FGFR3: variants seen among roughly 807,000 people sequenced by gnomAD.
FGFR3 encodes the protein FGFR-3.
In FGFR3, 25 loss-of-function variants were observed where a neutral mutation model predicts 82.9. The observed-to-expected ratio is 0.30, with a 90% CI of 0.22 to 0.42. FGFR3 has a LOEUF of 0.42. Among genes scored for constraint, FGFR3 ranks in the 10% least tolerant of loss-of-function variants. FGFR3 has a pLI of 1.00. For synonymous variants in FGFR3, 620 were observed against 516.0 expected, an observed-to-expected ratio of 1.20 and a Z score of -2.73; for missense variants, 1,026 against 1,161.0, an observed-to-expected ratio of 0.88 and a Z score of 1.69.
intron 7 of FGFR3, chr4:1,803,098 A>G: frequency 2.6e-6 from 4 of 1,521,980 alleles, no homozygotes; most frequent in Non-Finnish European, 3.5e-6. Flanking sequence ...CCGGCACAAG[A>G]GCTCCAGCTC....
chr4:1,801,612 C>T lies in FGFR3; in HGVS notation c.616-8C>T, dbSNP rs372304346. 72 of 1,606,548 alleles carry T rather than the reference C, an allele frequency of 4.5e-5. No individual in the cohort carries two copies. In the African/African-American group the frequency reaches 7.9e-4, roughly 18 times the overall value. ...TCCGCTCACTCACCCGCCCGCGTCC[C>T]GGTGCAGCTGCGGCATCAGCAGTGG... On this transcript the variant is annotated splice_region_variant and splice_polypyrimidine_tract_variant and intron_variant, in intron 5 of 17. Coordinates refer to ENST00000440486, the MANE Select transcript of FGFR3 (RefSeq NM_000142.5).
intron 2 of FGFR3, among the ~76,000 whole-genome samples, chr4:1,798,612 C>T (rs1720813188): frequency 6.6e-6 from 1 of 151,750 alleles, no homozygotes; most frequent in African/African-American, 2.4e-5. Flanking sequence ...CCCAGACCGT[C>T]CACACGGCCA....
At chr4:1,802,910 G>A (rs558829758) in intron 7 of FGFR3, 25 of 1,587,380 alleles carry the variant, frequency 1.6e-5, no homozygotes, top group Admixed American at 5.3e-5. Flanking sequence ...TCTTGTCCCC[G>A]CAGTCCTGGA....
In FGFR3 at chr4:1,807,302, G is replaced by A; in HGVS notation, c.*40G>A. The A allele has an allele frequency of 1.9e-6, 3 of 1,561,840 alleles. No homozygotes were observed. The highest frequency in any genetic ancestry group is 2.6e-6 in the Non-Finnish European group (3 of 1,158,360). On this transcript the variant is annotated 3_prime_UTR_variant, in exon 18 of 18. Transcript: ENST00000440486. ...CCAACAATGTGAGGGGTCCCTAGCA[G>A]CCCACCCTGCTGCTGGTGCACAGCC...
intron 1 of FGFR3, among the ~76,000 whole-genome samples, 169 bp from the exon 2 acceptor site, chr4:1,793,664 G>A (rs1359824527): frequency 6.7e-6 from 1 of 149,564 alleles, no homozygotes; most frequent in African/African-American, 2.4e-5. Context: ...GGAGGAGGGA[G>A]GGACCGCGGC....
At chr4:1,794,821 C>T (rs979668998) in intron 2 of FGFR3, among the ~76,000 whole-genome samples, 2 of 151,720 alleles carry the variant, frequency 1.3e-5, no homozygotes, top group African/African-American at 2.4e-5. Flanking sequence ...CAGCCGGCTC[C>T]GGACGGGCGA....
At chr4:1,800,135 A>AC (rs1268542787) in intron 4 of FGFR3, among the ~76,000 whole-genome samples, 9 of 151,676 alleles carry the variant, frequency 5.9e-5, no homozygotes, top group Non-Finnish European at 1.3e-4. Flanking sequence ...GGTGAGGTGG[A>AC]CCCCGCAGAC....
intron 10 of FGFR3, 106 bp from the exon 11 acceptor site, chr4:1,805,249 G>A (rs1721738262): frequency 1.3e-6 from 2 of 1,571,478 alleles, no homozygotes; most frequent in Non-Finnish European, 1.7e-6. Context: ...CTTCCTGGAG[G>A]TGGTGGCTCT....
At chr4:1,797,214 C>G (rs1259795945) in intron 2 of FGFR3, among the ~76,000 whole-genome samples, 1 of 152,124 alleles carries the variant, frequency 6.6e-6, no homozygotes, top group Middle Eastern at 3.2e-3. Flanking sequence ...CTCCCCATGC[C>G]TGGCAGCTGG....
chr4:1,799,137 C>A, intron 2 of FGFR3, 117 bp from the exon 3 acceptor site: 1 of 1,422,996 alleles, frequency 7.0e-7, no homozygotes, highest in Non-Finnish European at 9.9e-7. Flanking sequence ...TCTGGTGGGA[C>A]CCTGGATCTG....
intron 2 of FGFR3, among the ~76,000 whole-genome samples, chr4:1,796,444 C>T (rs1162949008): frequency 6.6e-6 from 1 of 152,128 alleles, no homozygotes; most frequent in East Asian, 1.9e-4. Flanking sequence ...GCAATACCTC[C>T]TGTACCCCAG....
chr4:1,797,089 G>A (rs1720602630), intron 2 of FGFR3, among the ~76,000 whole-genome samples: 1 of 152,194 alleles, frequency 6.6e-6, no homozygotes, highest in Admixed American at 6.5e-5. Context: ...GGGTACAGCA[G>A]GAGTTTTGTC....
rs369342011 is a variant in FGFR3, at chr4:1,794,192, G to T, written c.109+149G>T. 7.9e-5 allele frequency: 34 copies of T among 429,478 alleles called. No individual in the cohort carries two copies. The South Asian group carries it at 2.4e-3, about 30-fold the overall frequency. 26.6% of individuals were successfully genotyped at this position (429,478 alleles called of 1,614,324 possible). ...GATTCCGCTGCCTCCTTGCCGGAGAGCGCGGCCAGAGCTAGCGCGGCGACT... is the reference window on the plus strand; with the variant it reads ...GATTCCGCTGCCTCCTTGCCGGAGATCGCGGCCAGAGCTAGCGCGGCGACT... On this transcript the variant is annotated intron_variant, in intron 2 of 17. Transcript: ENST00000440486.
intron 15 of FGFR3, 63 bp from the exon 16 acceptor site, chr4:1,806,483 G>C (rs2108810682): frequency 6.2e-7 from 1 of 1,612,194 alleles, no homozygotes; most frequent in Non-Finnish European, 8.5e-7. Context: ...CTATTCCCCT[G>C]GTGCCCGCCC....
Position 1,801,545 on chromosome 4 carries a change from G to A in FGFR3, c.615+9G>A, listed in dbSNP as rs570332422. 3.1e-5 allele frequency: 49 copies of A among 1,576,718 alleles called. 1 individual carries two copies. The East Asian group carries it at 6.5e-4, about 21-fold the overall frequency. On this transcript the variant is annotated intron_variant, in intron 5 of 17. Transcript: ENST00000440486. ...GCATTGGAGGCATCAAGGTGGGCGCGGCGGGGTGGCTCTGGGCCTGGCAGG... is the reference window on the plus strand; with the variant it reads ...GCATTGGAGGCATCAAGGTGGGCGCAGCGGGGTGGCTCTGGGCCTGGCAGG...
Position 1,807,766 on chromosome 4 carries a change from C to T in FGFR3, c.*504C>T, listed in dbSNP as rs1186855613. On this transcript the variant is annotated 3_prime_UTR_variant, in exon 18 of 18. Coordinates refer to ENST00000440486, the MANE Select transcript of FGFR3 (RefSeq NM_000142.5). ...ACCGCCTCCCCACCTCCAGGCTTTCCCACTTCCCACCCTGCCCCTCAGAGA... is the reference window on the plus strand; with the variant it reads ...ACCGCCTCCCCACCTCCAGGCTTTCTCACTTCCCACCCTGCCCCTCAGAGA... 3.6e-6 allele frequency: 2 copies of T among 561,126 alleles called. No individual in the cohort carries two copies. Among genetic ancestry groups the T allele is most frequent in the African/African-American group, 1.8e-5 (1 of 54,904 alleles). 34.8% of individuals were successfully genotyped at this position (561,126 alleles called of 1,614,324 possible).
rs1721167395 is a variant in FGFR3, at chr4:1,801,477, A to G, written c.556A>G (p.Ile186Val). Residue 186 changes from isoleucine to valine, a missense_variant, in exon 5 of 18, where the codon ATC (isoleucine) becomes GTC (valine). Physicochemically the swap from Ile to Val is conservative, Grantham distance 29. Transcript: ENST00000440486. Reference sequence around the variant, plus strand: ...AGCCGCTGGCAACCCCACTCCCTCCATCTCCTGGCTGAAGAACGGCAGGGA... The same window carrying G: ...AGCCGCTGGCAACCCCACTCCCTCCGTCTCCTGGCTGAAGAACGGCAGGGA... ...CPAAGNPTPS[I>V]SWLKNGREFR... 1 of 1,556,312 alleles carries G rather than the reference A, an allele frequency of 6.4e-7. No homozygotes were observed. Among genetic ancestry groups the G allele is most frequent in the Non-Finnish European group, 8.7e-7 (1 of 1,150,288 alleles).
chr4:1,801,452 A>G lies in FGFR3; in HGVS notation c.531A>G (p.Pro177=), dbSNP rs1721164194. 6.4e-7 allele frequency: 1 copy of G among 1,553,184 alleles called. No individual in the cohort carries two copies. The highest frequency in any genetic ancestry group is 1.2e-5 in the South Asian group (1 of 84,298). The change falls in exon 5 of 18, where the codon CCA becomes CCG. Residue 177 remains proline, a synonymous_variant. Transcript: ENST00000440486. ...PAANTVRFRC[P]AAGNPTPSIS... is the part of the protein sequence containing the mutation. ...CCAACACCGTCCGCTTCCGCTGCCC[A>G]GCCGCTGGCAACCCCACTCCCTCCA... is the stretch of plus-strand genomic sequence containing the variant.
rs1405301107 is a variant in FGFR3 at position 1,806,081 on chromosome 4, G to A, written c.1867G>A (p.Val623Met). Reference sequence around the variant, plus strand: ...CCACAGGGACCTGGCTGCCCGCAATGTGCTGGTGACCGAGGACAACGTGAT... The same window carrying A: ...CCACAGGGACCTGGCTGCCCGCAATATGCTGGTGACCGAGGACAACGTGAT... ...CIHRDLAARNVLVTEDNVMKI... is the reference protein window; with the variant it reads ...CIHRDLAARNMLVTEDNVMKI... Residue 623 changes from valine to methionine, a missense_variant, in exon 14 of 18, where the codon GTG (valine) becomes ATG (methionine). By Grantham distance (21) the Val-to-Met change is conservative (BLOSUM62 1). This residue lies in a region of FGFR3 where 11 missense variants were observed against 23.8 expected (regional missense o/e 0.46). Coordinates refer to ENST00000440486, the MANE Select transcript of FGFR3 (RefSeq NM_000142.5). The A allele has an allele frequency of 6.2e-7, 1 of 1,613,700 alleles. No individual in the cohort carries two copies.
Sources: gnomAD v4.1 joint callset for allele counts (sites outside exome capture counted in the v4.1 genomes callset) on GRCh38, gnomAD v4.1.1 for gene constraint, gnomAD v4.1.1 regional missense constraint, MANE v1.5 for transcripts, NCBI Gene and HGNC (gene_info 2026-07-23, HGNC 2026-07-21) for gene names.